The following IREB2 variants were observed in gnomAD, a reference collection of about 807,000 sequenced individuals.
The protein encoded by IREB2 is iron responsive element binding protein 2.
In IREB2, 39 loss-of-function variants were observed where a neutral mutation model predicts 118.8. The ratio of observed to expected loss-of-function variants is 0.33; its 90% confidence interval spans 0.25 to 0.43. The LOEUF is 0.43. IREB2 is among the 20% of genes least tolerant of loss of function. The pLI, the probability that IREB2 is intolerant of heterozygous loss-of-function variation, is 1.00. For missense variants in IREB2, 900 were observed against 1,147.3 expected (o/e 0.78, Z 3.11); for synonymous variants, 372 against 392.2 (o/e 0.95, Z 0.61).
chr15:78,468,798 C>CT (rs1411886695), intron 5 of IREB2, among the ~76,000 whole-genome samples: 2 of 152,122 alleles, frequency 1.3e-5, no homozygotes, highest in Admixed American at 1.3e-4. Context: ...AGTATAATCT[C>CT]TGAGTCTTTT....
chr15:78,444,757 T>A (rs2050900808), intron 2 of IREB2, among the ~76,000 whole-genome samples: 1 of 152,154 alleles, frequency 6.6e-6, no homozygotes, highest in African/African-American at 2.4e-5. Context: ...TTTGTAACCC[T>A]TTTTTTCACT....
At chr15:78,453,245 A>T (rs972048658) in intron 2 of IREB2, among the ~76,000 whole-genome samples, 4 of 152,356 alleles carry the variant, frequency 2.6e-5, no homozygotes, top group Middle Eastern at 3.4e-3. Flanking sequence ...AAACTGGAGG[A>T]TGGTGCTGTG....
In IREB2 at chr15:78,471,892, C is replaced by T. The variant is rs1310095624; in HGVS notation, c.851C>T (p.Thr284Met). The T allele has an allele frequency of 4.4e-6, 7 of 1,606,002 alleles. No individual in the cohort carries two copies. Among genetic ancestry groups the T allele is most frequent in the Non-Finnish European group, 5.9e-6 (7 of 1,176,560 alleles). The change falls in exon 7 of 22, where the codon ACG (threonine) becomes ATG (methionine). Residue 284 changes from threonine to methionine, a missense_variant. Thr to Met is a moderately conservative substitution (Grantham distance 81). Transcript: ENST00000258886. ...DSVVGTDSHI[T>M]MVNGLGILGW... is the part of the protein sequence containing the mutation. ...GTAGTCGGCACAGATTCACACATAA[C>T]GATGGTGAATGGTTTAGGGATTCTG... is the stretch of plus-strand genomic sequence containing the variant.
Position 78,438,266 on chromosome 15 carries a change from G to GTCC in IREB2, c.-70_-69insCTC. ...TGCCAGTCCGCCTGTCTTCCTCCCCGTCTTCCCTGCCCGGCCTCCCCCTTC... is the reference window on the plus strand; with the variant it reads ...TGCCAGTCCGCCTGTCTTCCTCCCCGTCCTCTTCCCTGCCCGGCCTCCCCCTTC... On this transcript the variant is annotated 5_prime_UTR_variant, in exon 1 of 22. Coordinates refer to ENST00000258886, the MANE Select transcript of IREB2 (RefSeq NM_004136.4). The GTCC allele has an allele frequency of 2.5e-6, 3 of 1,220,266 alleles. No individual in the cohort carries two copies. In the South Asian group the frequency reaches 3.9e-5, roughly 16 times the overall value. The allele number at this position is 1,220,266 out of a possible 1,614,324, so 75.6% of individuals were successfully genotyped here.
intron 20 of IREB2, among the ~76,000 whole-genome samples, chr15:78,496,429 G>A (rs2051838647): frequency 6.6e-6 from 1 of 152,090 alleles, no homozygotes; most frequent in Non-Finnish European, 1.5e-5. Flanking sequence ...ACCATGTCCA[G>A]CTAATTTTTC....
intron 12 of IREB2, among the ~76,000 whole-genome samples, chr15:78,485,495 A>G (rs2051643833): frequency 6.6e-6 from 1 of 152,250 alleles, no homozygotes; most frequent in South Asian, 2.1e-4. Context: ...GTCAGCCTGT[A>G]TCTTAATAAT....
At chr15:78,487,286 T>C (rs2051677177) in intron 13 of IREB2, among the ~76,000 whole-genome samples, 1 of 152,198 alleles carries the variant, frequency 6.6e-6, no homozygotes, top group African/African-American at 2.4e-5. Flanking sequence ...GTATCAATTA[T>C]TTTAAAAGGT....
Position 78,497,264 on chromosome 15 carries a change from T to G in IREB2, c.2734T>G (p.Leu912Val), listed in dbSNP as rs778745770. 6.2e-7 allele frequency: 1 copy of G among 1,613,848 alleles called. No homozygotes were observed. The highest frequency in any genetic ancestry group is 1.3e-5 in the African/African-American group (1 of 74,938). Reference sequence around the variant, plus strand: ...CCTCTCCGGTAGAGAAACATTTTCTTTAACATTTCCTGAAGAACTGTCTCC... The same window carrying G: ...CCTCTCCGGTAGAGAAACATTTTCTGTAACATTTCCTGAAGAACTGTCTCC... ...LGLSGRETFS[L>V]TFPEELSPGI... is the part of the protein sequence containing the mutation. Residue 912 changes from leucine to valine, a missense_variant, in exon 21 of 22, where the codon TTA (leucine) becomes GTA (valine). Transcript: ENST00000258886.
chr15:78,449,378 C>G (rs1383144850), intron 2 of IREB2, among the ~76,000 whole-genome samples: 1 of 152,066 alleles, frequency 6.6e-6, no homozygotes, highest in Non-Finnish European at 1.5e-5. Context: ...TTGTAAAAAC[C>G]TGTTACAGCA....
intron 8 of IREB2, chr15:78,475,424 C>A (rs1325512120): frequency 6.6e-6 from 1 of 152,032 alleles, no homozygotes; most frequent in African/African-American, 2.4e-5. Context: ...AACATTTGGG[C>A]CAGTAGTTAT....
chr15:78,453,362 G>A (rs1455417188), intron 2 of IREB2, among the ~76,000 whole-genome samples: 4 of 152,136 alleles, frequency 2.6e-5, no homozygotes, highest in Non-Finnish European at 5.9e-5. Context: ...TCGTGTTTAA[G>A]GACAGAAATA....
chr15:78,476,910 A>T (rs1218485098), intron 9 of IREB2, among the ~76,000 whole-genome samples: 1 of 152,204 alleles, frequency 6.6e-6, no homozygotes, highest in Non-Finnish European at 1.5e-5. Context: ...AGATATGTTG[A>T]TATTTCATAA....
At chr15:78,443,401 C>CT (rs1176972212) in intron 2 of IREB2, among the ~76,000 whole-genome samples, 1 of 152,182 alleles carries the variant, frequency 6.6e-6, no homozygotes, top group East Asian at 1.9e-4. Context: ...CCAGCCTAAT[C>CT]TATCTGCGTT....
At chr15:78,478,165 T>C (rs532805313) in intron 9 of IREB2, 132 bp from the exon 10 acceptor site, 1 of 573,876 alleles carries the variant, frequency 1.7e-6, no homozygotes, top group African/African-American at 1.9e-5. Context: ...GCTCGGGAGG[T>C]CAAGGTTGCA....
intron 5 of IREB2, 83 bp downstream of exon 5, chr15:78,466,572 A>G (rs2051287013): frequency 2.3e-6 from 2 of 885,852 alleles, no homozygotes; most frequent in South Asian, 3.0e-5. Context: ...TTCCCACCCA[A>G]TTACTATTAT....
intron 13 of IREB2, among the ~76,000 whole-genome samples, chr15:78,487,305 A>G (rs927860951): frequency 6.6e-6 from 1 of 152,214 alleles, no homozygotes; most frequent in African/African-American, 2.4e-5. Flanking sequence ...GTCATGTTAT[A>G]TTCCTAGCAA....
At chr15:78,456,254 T>G (rs2051103540) in intron 2 of IREB2, among the ~76,000 whole-genome samples, 1 of 152,182 alleles carries the variant, frequency 6.6e-6, no homozygotes. Flanking sequence ...TGAGAGACAG[T>G]GGTATTTTTA....
Position 78,477,690 on chromosome 15 carries a change from C to T in IREB2, c.1196-607C>T, listed in dbSNP as rs572222480. 9.2e-5 allele frequency among the ~76,000 whole-genome samples: 14 copies of T among 152,096 alleles called. No individual in the cohort carries two copies. The East Asian group carries it at 2.3e-3, about 25-fold the overall frequency. On this transcript the variant is annotated intron_variant, in intron 9 of 21. Transcript: ENST00000258886. The stretch of plus-strand genomic sequence containing the variant: ...ATCCTAGCACTTCGGGAGGCTGAGG[C>T]GGGAGGATCACATGAGTCCAGGAGT...
intron 18 of IREB2, among the ~76,000 whole-genome samples, chr15:78,492,771 G>C (rs2051773204): frequency 6.6e-6 from 1 of 152,112 alleles, no homozygotes; most frequent in Non-Finnish European, 1.5e-5. Flanking sequence ...TGTTGCACAG[G>C]CTGGTCTCCA....
Sources: allele counts gnomAD v4.1 joint callset (sites outside exome capture counted in the v4.1 genomes callset), GRCh38; gene constraint gnomAD v4.1.1; transcripts MANE v1.5; gene names NCBI Gene and HGNC (gene_info 2026-07-23, HGNC 2026-07-21).